ABAT: variants seen among roughly 807,000 people sequenced by gnomAD.
The protein encoded by ABAT is 4-aminobutyrate aminotransferase, also known as 4-aminobutyrate aminotransferase, mitochondrial.
Under a neutral mutation model 64.6 loss-of-function variants are expected in ABAT, and 45 were observed. The observed-to-expected ratio is 0.70, with a 90% CI of 0.55 to 0.89. ABAT has a LOEUF of 0.89. Ranked by LOEUF, ABAT falls within the 40% of genes least tolerant of loss-of-function variation. The pLI is 0.00. For synonymous variants in ABAT, 297 were observed against 250.5 expected, an observed-to-expected ratio of 1.19 and a Z score of -1.75; for missense variants, 633 against 658.4, an observed-to-expected ratio of 0.96 and a Z score of 0.42.
At chr16:8,729,246 G>C (rs1038475303) in intron 1 of ABAT, among the ~76,000 whole-genome samples, 2 of 152,152 alleles carry the variant, frequency 1.3e-5, no homozygotes, top group African/African-American at 4.8e-5. Context: ...AGAGGTTGCA[G>C]TAAGCTAAGA....
chr16:8,717,540 G>A (rs1596414835), intron 1 of ABAT, among the ~76,000 whole-genome samples: 1 of 152,290 alleles, frequency 6.6e-6, no homozygotes, highest in East Asian at 1.9e-4. Context: ...AGACCAGCAG[G>A]TGACAGTGCA....
intron 2 of ABAT, among the ~76,000 whole-genome samples, chr16:8,742,774 G>A (rs1322860578): frequency 6.7e-6 from 1 of 150,080 alleles, no homozygotes; most frequent in Non-Finnish European, 1.5e-5. Context: ...GCTAAGGTGA[G>A]AGGATTGCTT....
At chr16:8,772,164 TAATC>T (rs970341263) in intron 11 of ABAT, among the ~76,000 whole-genome samples, 9 of 152,104 alleles carry the variant, frequency 5.9e-5, no homozygotes, top group African/African-American at 2.2e-4. Context: ...GGAACAATAA[TAATC>T]AATAATAATA....
At chr16:8,738,195 C>T (rs2059039385) in intron 2 of ABAT, among the ~76,000 whole-genome samples, 2 of 151,666 alleles carry the variant, frequency 1.3e-5, no homozygotes, top group Non-Finnish European at 2.9e-5. Flanking sequence ...GTGACATGTG[C>T]TTGTAGTCTC....
chr16:8,780,991 T>G (rs1389829441), intron 15 of ABAT, among the ~76,000 whole-genome samples: 1 of 152,118 alleles, frequency 6.6e-6, no homozygotes, highest in African/African-American at 2.4e-5. Context: ...TCTCAGGATT[T>G]CTCTATCACC....
At position 8,685,111 on chromosome 16, in the gene ABAT, C is replaced by T. The variant is rs368994770; in HGVS notation, c.-42+10400C>T. The stretch of plus-strand genomic sequence containing the variant: ...ACCACCTTGGGCAACATGGTGAAAC[C>T]CTGTCTCTACCAAAAATACAAAAAA... On this transcript the variant is annotated intron_variant, in intron 1 of 15. Transcript: ENST00000268251. Among the ~76,000 whole-genome samples the T allele has an allele frequency of 9.7e-4, 147 of 151,228 alleles. 1 individual carries two copies. In the South Asian group the frequency reaches 0.028, roughly 29 times the overall value.
At chr16:8,706,238 A>ATATATAT (rs1029333942) in intron 1 of ABAT, among the ~76,000 whole-genome samples, 1 of 149,012 alleles carries the variant, frequency 6.7e-6, no homozygotes, top group African/African-American at 2.5e-5. Context: ...TATAAAAAAA[A>ATATATAT]ATATATATAT....
chr16:8,722,800 G>A (rs1206302005), intron 1 of ABAT: 3 of 1,289,014 alleles, frequency 2.3e-6, no homozygotes, highest in Admixed American at 2.3e-5. Flanking sequence ...GATTGCAAAG[G>A]GCCTGGTAGA....
In ABAT at chr16:8,783,849, T is replaced by C. The variant is rs2060491865; in HGVS notation, c.*2419T>C. Reference sequence around the variant, plus strand: ...CACTGACAGAGAAATGAAATAGTTTTATCTGGAAAATTCCAGAGCTATTAT... The same window carrying C: ...CACTGACAGAGAAATGAAATAGTTTCATCTGGAAAATTCCAGAGCTATTAT... On this transcript the variant is annotated 3_prime_UTR_variant, in exon 16 of 16. Coordinates refer to ENST00000268251, the MANE Select transcript of ABAT (RefSeq NM_020686.6). 1 of 152,248 alleles carries C rather than the reference T, an allele frequency of 6.6e-6. No homozygotes were observed. The highest frequency in any genetic ancestry group is 1.5e-5 in the Non-Finnish European group (1 of 68,028). The allele number at this position is 152,248 out of a possible 1,614,324, so 9.4% of individuals were successfully genotyped here. A position where few individuals can be genotyped will look rare whatever the true frequency, so the allele number is the denominator to read the frequency against.
chr16:8,764,277 C>G lies in ABAT; in HGVS notation c.447+128C>G, dbSNP rs1432432414. Reference sequence around the variant, plus strand: ...ATCTTTCTCTCTGAGCTTATTCTTCCATGCAGAGTATTTTAAATTTTTCTT... The same window carrying G: ...ATCTTTCTCTCTGAGCTTATTCTTCGATGCAGAGTATTTTAAATTTTTCTT... On this transcript the variant is annotated intron_variant, in intron 7 of 15. Coordinates refer to ENST00000268251, the MANE Select transcript of ABAT (RefSeq NM_020686.6). The surrounding 1 kb of genome is among the most constrained non-coding windows in gnomAD (Gnocchi z 4.2). The G allele has an allele frequency of 1.2e-6, 1 of 832,966 alleles. No homozygotes were observed. Among genetic ancestry groups the G allele is most frequent in the East Asian group, 2.6e-5 (1 of 38,194 alleles). The allele number at this position is 832,966 out of a possible 1,614,324, so 51.6% of individuals were successfully genotyped here.
chr16:8,725,337 C>T (rs2058518316), intron 1 of ABAT, among the ~76,000 whole-genome samples: 1 of 152,148 alleles, frequency 6.6e-6, no homozygotes, highest in African/African-American at 2.4e-5. Context: ...TTTTTCATCA[C>T]CCCGGAGACC....
intron 1 of ABAT, among the ~76,000 whole-genome samples, chr16:8,727,107 A>T (rs988354384): frequency 6.6e-6 from 1 of 151,920 alleles, no homozygotes; most frequent in African/African-American, 2.4e-5. Flanking sequence ...TTGTGAGAGG[A>T]GTAGTTTGTA....
chr16:8,677,749 A>T (rs1189881530), intron 1 of ABAT, among the ~76,000 whole-genome samples: 2 of 152,144 alleles, frequency 1.3e-5, no homozygotes, highest in Non-Finnish European at 2.9e-5. Context: ...TTCCTTCGCT[A>T]TTGAGAACTG....
chr16:8,691,679 G>T (rs566709185), intron 1 of ABAT, among the ~76,000 whole-genome samples: 1 of 145,496 alleles, frequency 6.9e-6, no homozygotes, highest in African/African-American at 2.5e-5. Context: ...GATCTCAGGC[G>T]ATCCTCTGCC....
At chr16:8,678,873 G>T (rs572332341) in intron 1 of ABAT, among the ~76,000 whole-genome samples, 1 of 152,248 alleles carries the variant, frequency 6.6e-6, no homozygotes, top group Non-Finnish European at 1.5e-5. Flanking sequence ...TAGCCAGTAT[G>T]ATCCTATTTT....
intron 1 of ABAT, among the ~76,000 whole-genome samples, chr16:8,723,836 T>G (rs1237296985): frequency 7.4e-5 from 7 of 95,122 alleles, no homozygotes; most frequent in African/African-American, 2.5e-4. Flanking sequence ...TATTTTTTTT[T>G]TTTTTTTTTT....
chr16:8,734,011 C>T (rs376549663), intron 1 of ABAT, among the ~76,000 whole-genome samples: 3 of 152,274 alleles, frequency 2.0e-5, no homozygotes, highest in African/African-American at 7.2e-5. Context: ...TCTGTGGATA[C>T]AGCATATTTT....
intron 1 of ABAT, among the ~76,000 whole-genome samples, chr16:8,693,296 C>G (rs1750570545): frequency 6.6e-6 from 1 of 152,144 alleles, no homozygotes; most frequent in Admixed American, 6.5e-5. Flanking sequence ...CTAGCTTTTT[C>G]TTAAATTTTT....
chr16:8,779,990 G>C (rs578026149), intron 15 of ABAT, among the ~76,000 whole-genome samples: 1 of 152,218 alleles, frequency 6.6e-6, no homozygotes, highest in Non-Finnish European at 1.5e-5. Flanking sequence ...AGCTGCAGCA[G>C]TTGGTGAGGG....
Sources: allele counts gnomAD v4.1 joint callset (sites outside exome capture counted in the v4.1 genomes callset), GRCh38; gene constraint gnomAD v4.1.1; non-coding constraint Gnocchi (gnomAD v3.1); transcripts MANE v1.5; gene names NCBI Gene and HGNC (gene_info 2026-07-23, HGNC 2026-07-21).